RGL1: variants seen among roughly 807,000 people sequenced by gnomAD.
RGL1 encodes the protein ral guanine nucleotide dissociation stimulator-like 1.
Under a neutral mutation model 95.2 loss-of-function variants are expected in RGL1, and 24 were observed. The observed-to-expected ratio is 0.25, with a 90% CI of 0.18 to 0.35. The LOEUF (loss-of-function observed/expected upper bound fraction) is 0.35, where lower values mean the gene tolerates loss of function less well. Among genes scored for constraint, RGL1 ranks in the 10% least tolerant of loss-of-function variants. The probability of loss-of-function intolerance (pLI) is 1.00; values close to 1 mark genes in which losing one functional copy is unlikely to be tolerated. For synonymous variants in RGL1, 329 were observed against 344.9 expected (o/e 0.95, Z 0.51); for missense variants, 715 against 936.3 (o/e 0.76, Z 3.08).
intron 1 of RGL1, among the ~76,000 whole-genome samples, chr1:183,721,819 G>A (rs1558172065): frequency 6.6e-6 from 1 of 152,158 alleles, no homozygotes; most frequent in Non-Finnish European, 1.5e-5. Context: ...CTGTGTCTTG[G>A]TTTAGCTCCC....
At chr1:183,759,284 T>C (rs1055617350) in intron 2 of RGL1, among the ~76,000 whole-genome samples, 11 of 152,202 alleles carry the variant, frequency 7.2e-5, no homozygotes, top group Non-Finnish European at 1.2e-4. Context: ...GGAAAAGGCA[T>C]GCCACGGCAG....
chr1:183,863,366 TATG>T (rs1665634591), intron 3 of RGL1, among the ~76,000 whole-genome samples: 1 of 152,094 alleles, frequency 6.6e-6, no homozygotes, highest in Non-Finnish European at 1.5e-5. Flanking sequence ...AGCGTCTTGC[TATG>T]TGTTGCCCAG....
rs74130632 is a variant in RGL1 at position 183,781,584 on chromosome 1, C to T, written c.133-24791C>T. 5.0e-3 allele frequency among the ~76,000 whole-genome samples: 764 copies of T among 152,154 alleles called. 7 individuals are homozygous for T. Among genetic ancestry groups the T allele is most frequent in the African/African-American group, 0.018 (735 of 41,508 alleles). ...AAGTTAACCACTGTTAACCATTTCT[C>T]GAGATTCTTTACAGAAGAAAAAAAT... On this transcript the variant is annotated intron_variant, in intron 2 of 18. Coordinates refer to the RGL1 transcript ENST00000304685.
rs942627699 is a variant in RGL1 at position 183,648,433 on chromosome 1, G to A, written c.-33+11932G>A. The A allele has an allele frequency of 4.3e-6, 7 of 1,614,060 alleles. No individual in the cohort carries two copies. The African/African-American group carries it at 8.0e-5, about 18-fold the overall frequency. Reference sequence around the variant, plus strand: ...GAGTTGTTGGAATACAGAATGATATGCCTGATGCTGTCATTATTGTATATG... The same window carrying A: ...GAGTTGTTGGAATACAGAATGATATACCTGATGCTGTCATTATTGTATATG... On this transcript the variant is annotated intron_variant, in intron 1 of 18. Coordinates refer to the RGL1 transcript ENST00000304685.
intron 4 of RGL1, among the ~76,000 whole-genome samples, chr1:183,873,568 T>C (rs886632045): frequency 6.6e-6 from 1 of 152,164 alleles, no homozygotes; most frequent in Non-Finnish European, 1.5e-5. Context: ...TAGAAGAGCA[T>C]TGGGATCTCG....
At position 183,767,485 on chromosome 1, in the gene RGL1, G is replaced by A. The variant is rs115909691; in HGVS notation, c.132+25196G>A. Among the ~76,000 whole-genome samples, 1,267 of 152,136 alleles carry A rather than the reference G, an allele frequency of 8.3e-3. 21 individuals are homozygous for A. The highest frequency in any genetic ancestry group is 0.028 in the African/African-American group (1,176 of 41,496). The stretch of plus-strand genomic sequence containing the variant: ...AATGAATGTTCTTAAGTCCACCAAC[G>A]CCCCTATACATTTTGTGCAATTAAG... On this transcript the variant is annotated intron_variant, in intron 2 of 18. Coordinates refer to the RGL1 transcript ENST00000304685.
rs189555310 is a variant in RGL1, at chr1:183,829,066, C to T, written c.139-18500C>T. ...GTTATAATAACCGGGATTGAATGCA[C>T]CTTCTTCAGTTACAGGGATTTGGAT... On this transcript the variant is annotated intron_variant, in intron 2 of 17. Coordinates refer to ENST00000360851, the MANE Select transcript of RGL1 (RefSeq NM_001297671.3). Among the ~76,000 whole-genome samples, 8 of 152,248 alleles carry T rather than the reference C, an allele frequency of 5.3e-5. No homozygotes were observed. The East Asian group carries it at 9.6e-4, about 18-fold the overall frequency.
intron 1 of RGL1, chr1:183,648,311 G>A: frequency 6.2e-7 from 1 of 1,614,174 alleles, no homozygotes; most frequent in South Asian, 1.1e-5. Context: ...CAGTATGATA[G>A]AGCTGAGAAA....
At chr1:183,660,965 C>A (rs572145266) in intron 1 of RGL1, among the ~76,000 whole-genome samples, 10 of 151,996 alleles carry the variant, frequency 6.6e-5, no homozygotes, top group African/African-American at 1.9e-4. Flanking sequence ...CTACTGGGTA[C>A]GTAACGAAAT....
intron 3 of RGL1, among the ~76,000 whole-genome samples, chr1:183,853,869 C>T (rs1664977281): frequency 6.6e-6 from 1 of 152,142 alleles, no homozygotes; most frequent in Non-Finnish European, 1.5e-5. Flanking sequence ...CCATCCTTTT[C>T]ACTACTACCT....
chr1:183,725,177 A>G (rs1656244010), intron 1 of RGL1, among the ~76,000 whole-genome samples: 1 of 152,186 alleles, frequency 6.6e-6, no homozygotes, highest in Non-Finnish European at 1.5e-5. Context: ...CCCCTAATGC[A>G]GATACAGCTG....
chr1:183,893,471 C>T (rs899411610), intron 9 of RGL1, among the ~76,000 whole-genome samples: 1 of 152,018 alleles, frequency 6.6e-6, no homozygotes, highest in Non-Finnish European at 1.5e-5. Context: ...GTATGCATAA[C>T]AAATGAAAAT....
chr1:183,818,721 T>G (rs1468280379), intron 2 of RGL1, among the ~76,000 whole-genome samples: 1 of 152,234 alleles, frequency 6.6e-6, no homozygotes, highest in Non-Finnish European at 1.5e-5. Flanking sequence ...AGTGAGCATC[T>G]TATAAATTGT....
intron 1 of RGL1, among the ~76,000 whole-genome samples, chr1:183,682,766 G>T (rs142277795): frequency 6.0e-4 from 92 of 152,282 alleles, no homozygotes; most frequent in African/African-American, 2.2e-3. Flanking sequence ...TGACGGTGGG[G>T]TGTTAAGTTC....
At chr1:183,867,429 C>T (rs1250468577) in intron 4 of RGL1, among the ~76,000 whole-genome samples, 1 of 152,104 alleles carries the variant, frequency 6.6e-6, no homozygotes, top group South Asian at 2.1e-4. Context: ...TCCAGTGCTG[C>T]CCTAGATCGA....
At chr1:183,837,925 C>T (rs990877298) in intron 2 of RGL1, among the ~76,000 whole-genome samples, 1 of 152,128 alleles carries the variant, frequency 6.6e-6, no homozygotes, top group Non-Finnish European at 1.5e-5. Context: ...CTAATGTCGC[C>T]GCTGATCTGA....
At chr1:183,710,479 C>T (rs1434440253) in intron 1 of RGL1, among the ~76,000 whole-genome samples, 3 of 152,174 alleles carry the variant, frequency 2.0e-5, no homozygotes, top group Non-Finnish European at 2.9e-5. Flanking sequence ...TTTGCATCCC[C>T]TGTTTTTTGG....
At chr1:183,650,814 A>G (rs1650693638) in intron 1 of RGL1, among the ~76,000 whole-genome samples, 1 of 151,582 alleles carries the variant, frequency 6.6e-6, no homozygotes, top group South Asian at 2.1e-4. Flanking sequence ...TTCTCTTACA[A>G]TGTTGTTTAT....
chr1:183,683,185 G>A (rs924988439), intron 1 of RGL1, among the ~76,000 whole-genome samples: 12 of 152,088 alleles, frequency 7.9e-5, no homozygotes, highest in African/African-American at 2.9e-4. Flanking sequence ...GGTTAATATT[G>A]TTATGTGTGA....
Sources: gnomAD v4.1 joint callset for allele counts (sites outside exome capture counted in the v4.1 genomes callset) on GRCh38, gnomAD v4.1.1 for gene constraint, MANE v1.5 for transcripts, NCBI Gene and HGNC (gene_info 2026-07-23, HGNC 2026-07-21) for gene names.